CWC27: variants seen among roughly 807,000 people sequenced by gnomAD.
The protein encoded by CWC27 is spliceosome-associated protein CWC27 homolog.
Under a neutral mutation model 63.6 loss-of-function variants are expected in CWC27, and 47 were observed. That is an observed-to-expected ratio of 0.74 (90% CI 0.58 to 0.94). The LOEUF is 0.94. CWC27 is among the 40% of genes least tolerant of loss of function. CWC27 has a pLI of 0.00. For missense variants in CWC27, 495 were observed against 554.3 expected (o/e 0.89, Z 1.07); for synonymous variants, 175 against 179.8 (o/e 0.97, Z 0.22).
At chr5:64,927,991 C>A (rs1316795808) in intron 11 of CWC27, among the ~76,000 whole-genome samples, 1 of 152,048 alleles carries the variant, frequency 6.6e-6, no homozygotes, top group Non-Finnish European at 1.5e-5. Flanking sequence ...CCCATTTTTA[C>A]TAAAAATACA....
At chr5:64,970,821 T>A (rs185686476) in intron 11 of CWC27, among the ~76,000 whole-genome samples, 51 of 152,268 alleles carry the variant, frequency 3.3e-4, no homozygotes, top group African/African-American at 1.2e-3. Flanking sequence ...AGATTGCATA[T>A]TCATGATGTT....
intron 11 of CWC27, among the ~76,000 whole-genome samples, chr5:64,898,744 A>G (rs1747437900): frequency 3.3e-5 from 5 of 152,210 alleles, no homozygotes. Context: ...TCTCATGCAG[A>G]ACAATTCAGG....
At chr5:64,886,026 T>G (rs1333893938) in intron 11 of CWC27, among the ~76,000 whole-genome samples, 1 of 152,174 alleles carries the variant, frequency 6.6e-6, no homozygotes. Flanking sequence ...CATTTGTGTG[T>G]TGGTTTGAAT....
chr5:64,996,606 CA>C (rs1749636863), intron 13 of CWC27, among the ~76,000 whole-genome samples: 1 of 152,022 alleles, frequency 6.6e-6, no homozygotes, highest in South Asian at 2.1e-4. Flanking sequence ...GTCTAAGGCA[CA>C]GAAAGGTTAA....
At chr5:64,900,274 T>C (rs1747470635) in intron 11 of CWC27, among the ~76,000 whole-genome samples, 1 of 152,226 alleles carries the variant, frequency 6.6e-6, no homozygotes. Context: ...TAGTTTGCAG[T>C]GTTACTTTGT....
chr5:64,864,591 A>G (rs1746490764), intron 10 of CWC27, among the ~76,000 whole-genome samples: 1 of 152,112 alleles, frequency 6.6e-6, no homozygotes, highest in Non-Finnish European at 1.5e-5. Context: ...TCACCTACCC[A>G]TATGTTAATA....
At chr5:64,863,057 G>A (rs1746450412) in intron 10 of CWC27, among the ~76,000 whole-genome samples, 1 of 152,028 alleles carries the variant, frequency 6.6e-6, no homozygotes, top group Non-Finnish European at 1.5e-5. Flanking sequence ...TATGAATATG[G>A]GAAGGACAAA....
intron 10 of CWC27, among the ~76,000 whole-genome samples, chr5:64,826,646 T>C (rs940849606): frequency 6.6e-6 from 1 of 152,082 alleles, no homozygotes; most frequent in South Asian, 2.1e-4. Flanking sequence ...GACTTTATAG[T>C]TCACTAATTA....
chr5:64,956,409 C>G (rs1211561563), intron 11 of CWC27, among the ~76,000 whole-genome samples: 1 of 152,124 alleles, frequency 6.6e-6, no homozygotes, highest in Admixed American at 6.6e-5. Flanking sequence ...TAATTTTTCT[C>G]TGCCTCCTGT....
intron 3 of CWC27, among the ~76,000 whole-genome samples, chr5:64,782,508 A>G (rs1244910964): frequency 6.9e-6 from 1 of 143,928 alleles, no homozygotes; most frequent in Non-Finnish European, 1.6e-5. Context: ...GCATTAATCA[A>G]GAACAGGTCA....
intron 7 of CWC27, among the ~76,000 whole-genome samples, chr5:64,798,669 C>A (rs1294170899): frequency 6.6e-6 from 1 of 152,014 alleles, no homozygotes; most frequent in Non-Finnish European, 1.5e-5. Flanking sequence ...CATATTAATA[C>A]AGAAATTAAA....
rs138178550 is a variant in CWC27, at chr5:64,966,508, A to G, written c.1043-5195A>G. ...CCTCACAACAGCAAGTGAGGTAGATATTATCATCCCCAGTTTATAGCTGAA... is the reference window on the plus strand; with the variant it reads ...CCTCACAACAGCAAGTGAGGTAGATGTTATCATCCCCAGTTTATAGCTGAA... On this transcript the variant is annotated intron_variant, in intron 11 of 13. Transcript: ENST00000381070. Among the ~76,000 whole-genome samples the G allele has an allele frequency of 4.1e-3, 623 of 152,272 alleles. 2 individuals are homozygous for G. The highest frequency in any genetic ancestry group is 0.014 in the African/African-American group (582 of 41,572).
chr5:64,922,946 T>C lies in CWC27; in HGVS notation c.1042+37400T>C, dbSNP rs1200852531. Among the ~76,000 whole-genome samples the C allele has an allele frequency of 2.0e-5, 3 of 152,154 alleles. 1 individual carries two copies. The highest frequency in any genetic ancestry group is 6.5e-5 in the Admixed American group (1 of 15,276). On this transcript the variant is annotated intron_variant, in intron 11 of 13. Coordinates refer to ENST00000381070, the MANE Select transcript of CWC27 (RefSeq NM_005869.4). ...CTAACCCTGGGTGGCTGGGACTGGGTCCATGGCTTTGCCCTCTCATCTCTC... is the reference window on the plus strand; with the variant it reads ...CTAACCCTGGGTGGCTGGGACTGGGCCCATGGCTTTGCCCTCTCATCTCTC...
intron 13 of CWC27, among the ~76,000 whole-genome samples, chr5:64,996,399 C>G (rs532968649): frequency 6.6e-6 from 1 of 152,078 alleles, no homozygotes; most frequent in South Asian, 2.1e-4. Context: ...TTATTATTTG[C>G]GTACAGATAA....
intron 13 of CWC27, among the ~76,000 whole-genome samples, chr5:65,014,131 C>T (rs1750010376): frequency 2.7e-5 from 4 of 150,118 alleles, no homozygotes; most frequent in Admixed American, 6.7e-5. Context: ...AAAACAATAA[C>T]AAAAAAACCA....
At chr5:64,990,689 TG>T (rs1749523188) in intron 13 of CWC27, among the ~76,000 whole-genome samples, 6 of 152,256 alleles carry the variant, frequency 3.9e-5, no homozygotes, top group Non-Finnish European at 7.3e-5. Context: ...ATTAAACTGC[TG>T]CTGTCATACA....
rs144690230 is a variant in CWC27 at position 65,013,696 on chromosome 5, G to A, written c.1257-4463G>A. On this transcript the variant is annotated intron_variant, in intron 13 of 13. Transcript: ENST00000381070. ...GAAGAAATATTATTTTTTAAGCTTT[G>A]GATCTGGGAAGGAAATAGTACAGAT... Among the ~76,000 whole-genome samples the A allele has an allele frequency of 2.0e-5, 3 of 152,206 alleles. No individual in the cohort carries two copies. The East Asian group carries it at 5.8e-4, about 29-fold the overall frequency.
chr5:64,839,075 CT>C (rs1482473340), intron 10 of CWC27, among the ~76,000 whole-genome samples: 2 of 152,076 alleles, frequency 1.3e-5, no homozygotes, highest in Non-Finnish European at 2.9e-5. Flanking sequence ...TAATGGAATC[CT>C]TTTTGTGAAT....
rs1747809795 is a variant in CWC27 at position 64,912,420 on chromosome 5, T to A, written c.1042+26874T>A. 2.0e-5 allele frequency among the ~76,000 whole-genome samples: 3 copies of A among 152,296 alleles called. No individual in the cohort carries two copies. The East Asian group carries it at 5.8e-4, about 29-fold the overall frequency. On this transcript the variant is annotated intron_variant, in intron 11 of 13. Transcript: ENST00000381070. ...TCAGAAACAGACTTTAAAATAAATATGCTTACTTTTTACAAGGTGTTCAAA... is the reference window on the plus strand; with the variant it reads ...TCAGAAACAGACTTTAAAATAAATAAGCTTACTTTTTACAAGGTGTTCAAA...
Sources: allele counts gnomAD v4.1 joint callset (sites outside exome capture counted in the v4.1 genomes callset), GRCh38; gene constraint gnomAD v4.1.1; transcripts MANE v1.5; gene names NCBI Gene and HGNC (gene_info 2026-07-23, HGNC 2026-07-21).